The following SLC9A9 variants were observed in gnomAD, a reference collection of about 807,000 sequenced individuals.
SLC9A9 encodes the protein solute carrier family 9 member A9.
In SLC9A9, 62 loss-of-function variants were observed where a neutral mutation model predicts 77.8. That is an observed-to-expected ratio of 0.80 (90% CI 0.65 to 0.98). The LOEUF is 0.98. Ranked by LOEUF, SLC9A9 falls within the 50% of genes least tolerant of loss-of-function variation. The pLI, the probability that SLC9A9 is intolerant of heterozygous loss-of-function variation, is 0.00. For missense variants in SLC9A9, 775 were observed against 774.9 expected, an observed-to-expected ratio of 1.00 and a Z score of 0.00; for synonymous variants, 320 against 283.5, an observed-to-expected ratio of 1.13 and a Z score of -1.29.
At chr3:143,307,430 T>A (rs2030836963) in intron 14 of SLC9A9, among the ~76,000 whole-genome samples, 1 of 152,220 alleles carries the variant, frequency 6.6e-6, no homozygotes, top group South Asian at 2.1e-4. Flanking sequence ...GCACATATGA[T>A]CTCTTGACAA....
intron 12 of SLC9A9, among the ~76,000 whole-genome samples, chr3:143,414,850 A>T (rs1254396725): frequency 6.6e-6 from 1 of 152,224 alleles, no homozygotes; most frequent in Non-Finnish European, 1.5e-5. Context: ...TTAGCGAGGA[A>T]GGCATATTGA....
intron 14 of SLC9A9, among the ~76,000 whole-genome samples, chr3:143,337,278 C>G (rs1232895161): frequency 6.6e-6 from 1 of 152,130 alleles, no homozygotes; most frequent in African/African-American, 2.4e-5. Flanking sequence ...CCCCCACCCT[C>G]ATTCAGAACT....
At chr3:143,640,019 CTTTTTT>C (rs10575577) in intron 6 of SLC9A9, among the ~76,000 whole-genome samples, 133 of 124,074 alleles carry the variant, frequency 1.1e-3, no homozygotes, top group African/African-American at 3.0e-3. Flanking sequence ...CTTTTTTTTT[CTTTTTT>C]TTTTTTTTTT....
intron 1 of SLC9A9, among the ~76,000 whole-genome samples, chr3:143,839,265 G>A (rs1263183098): frequency 6.6e-6 from 1 of 152,160 alleles, no homozygotes; most frequent in Non-Finnish European, 1.5e-5. Context: ...AAGAGTCCCA[G>A]AATGATTTCA....
intron 14 of SLC9A9, among the ~76,000 whole-genome samples, chr3:143,283,321 G>A (rs1472279085): frequency 6.6e-6 from 1 of 152,176 alleles, no homozygotes; most frequent in Non-Finnish European, 1.5e-5. Context: ...CTGGACACTG[G>A]AAGGAAAGGT....
At chr3:143,822,150 AG>A (rs2009183082) in intron 2 of SLC9A9, among the ~76,000 whole-genome samples, 1 of 152,208 alleles carries the variant, frequency 6.6e-6, no homozygotes, top group Non-Finnish European at 1.5e-5. Context: ...CTAGCTCCAC[AG>A]CTTCCCAAGG....
intron 12 of SLC9A9, among the ~76,000 whole-genome samples, chr3:143,446,756 A>C (rs2034850344): frequency 6.6e-6 from 1 of 152,154 alleles, no homozygotes; most frequent in Non-Finnish European, 1.5e-5. Context: ...TGATGGGTAA[A>C]AGGTTCTCAG....
chr3:143,837,392 T>C (rs934927127), intron 1 of SLC9A9, among the ~76,000 whole-genome samples: 2 of 152,202 alleles, frequency 1.3e-5, no homozygotes, highest in Non-Finnish European at 1.5e-5. Context: ...GCAAATGTAG[T>C]TACCACATGA....
intron 5 of SLC9A9, among the ~76,000 whole-genome samples, chr3:143,675,100 C>T (rs972380263): frequency 1.3e-5 from 2 of 152,104 alleles, no homozygotes; most frequent in Non-Finnish European, 2.9e-5. Context: ...ATTGGAGAAC[C>T]TACTAATATA....
At chr3:143,559,122 T>A (rs2037039069) in intron 8 of SLC9A9, among the ~76,000 whole-genome samples, 1 of 152,212 alleles carries the variant, frequency 6.6e-6, no homozygotes, top group South Asian at 2.1e-4. Context: ...GATTGTAAGT[T>A]TCCTGAGGCC....
intron 12 of SLC9A9, among the ~76,000 whole-genome samples, chr3:143,426,226 T>TA (rs1292717628): frequency 1.3e-5 from 2 of 152,142 alleles, no homozygotes; most frequent in African/African-American, 4.8e-5. Context: ...AATTAACAAT[T>TA]AAAAAACCCA....
At chr3:143,752,615 C>A (rs2006769437) in intron 4 of SLC9A9, among the ~76,000 whole-genome samples, 4 of 150,930 alleles carry the variant, frequency 2.7e-5, no homozygotes, top group Admixed American at 2.6e-4. Context: ...AAAGCCAGCA[C>A]AAGTCTGGCT....
chr3:143,358,644 A>G (rs1323183415), intron 14 of SLC9A9, among the ~76,000 whole-genome samples: 1 of 152,202 alleles, frequency 6.6e-6, no homozygotes, highest in Non-Finnish European at 1.5e-5. Context: ...GAATAAGGCA[A>G]CATGAGATTC....
Position 143,674,438 on chromosome 3 carries a change from G to T in SLC9A9, c.649+18754C>A, listed in dbSNP as rs144680962. Among the ~76,000 whole-genome samples the T allele has an allele frequency of 2.5e-3, 386 of 152,232 alleles. 2 individuals are homozygous for T. The highest frequency in any genetic ancestry group is 8.9e-3 in the African/African-American group (368 of 41,520). On this transcript the variant is annotated intron_variant, in intron 5 of 15. Transcript: ENST00000316549. ...ACATCCCTAACTGTGATCCTTTTATGCAGGCAATTTCACAGGGCCTCTCTT... is the reference window on the plus strand; with the variant it reads ...ACATCCCTAACTGTGATCCTTTTATTCAGGCAATTTCACAGGGCCTCTCTT...
At chr3:143,744,653 A>AC (rs1452392158) in intron 4 of SLC9A9, among the ~76,000 whole-genome samples, 3 of 152,130 alleles carry the variant, frequency 2.0e-5, no homozygotes, top group African/African-American at 7.2e-5. Flanking sequence ...CTGTGCTCTA[A>AC]TGGTTTTAAC....
chr3:143,395,017 T>C (rs1320588190), intron 12 of SLC9A9, among the ~76,000 whole-genome samples: 1 of 152,112 alleles, frequency 6.6e-6, no homozygotes, highest in Non-Finnish European at 1.5e-5. Context: ...AAAATGGCCA[T>C]ACTGCCCAAG....
chr3:143,785,077 C>T (rs760686928), intron 4 of SLC9A9, among the ~76,000 whole-genome samples: 20 of 152,176 alleles, frequency 1.3e-4, no homozygotes, highest in Non-Finnish European at 2.5e-4. Flanking sequence ...GTCTATGATA[C>T]TTTGTTATAG....
At chr3:143,530,561 C>G (rs999208070) in intron 9 of SLC9A9, among the ~76,000 whole-genome samples, 2 of 152,016 alleles carry the variant, frequency 1.3e-5, no homozygotes, top group Non-Finnish European at 2.9e-5. Flanking sequence ...TGAAAACAGA[C>G]TAATACAGTT....
chr3:143,578,436 G>C (rs575279746), intron 7 of SLC9A9, 149 bp downstream of exon 7: 1 of 1,219,000 alleles, frequency 8.2e-7, no homozygotes, highest in Admixed American at 2.0e-5. Context: ...GGGTGACTGA[G>C]AACCAAGATG....
Sources: allele counts gnomAD v4.1 joint callset (sites outside exome capture counted in the v4.1 genomes callset), GRCh38; gene constraint gnomAD v4.1.1; transcripts MANE v1.5; gene names NCBI Gene and HGNC (gene_info 2026-07-23, HGNC 2026-07-21).